SUPT3H: variants seen among roughly 807,000 people sequenced by gnomAD.
SUPT3H encodes SPT3 homolog, SAGA and STAGA complex component, also known as transcription initiation protein SPT3 homolog.
A neutral mutation model predicts 44.3 loss-of-function variants in SUPT3H; 44 were observed. That is an observed-to-expected ratio of 0.99 (90% confidence interval 0.78 to 1.28). The LOEUF is 1.28. Ranked by LOEUF, SUPT3H falls within the 50% of genes most tolerant of loss-of-function variation. The pLI is 0.00. For synonymous variants in SUPT3H, 124 were observed against 125.6 expected (o/e 0.99, Z 0.09); for missense variants, 380 against 387.1 (o/e 0.98, Z 0.15).
At chr6:44,972,575 C>T (rs745562342) in intron 6 of SUPT3H, among the ~76,000 whole-genome samples, 1 of 152,194 alleles carries the variant, frequency 6.6e-6, no homozygotes, top group African/African-American at 2.4e-5. Context: ...CTAGGCAGTG[C>T]CCCAGTAGGG....
intron 2 of SUPT3H, among the ~76,000 whole-genome samples, chr6:45,230,686 A>ATATATATATATATATTTTTT (rs796866510): frequency 1.0e-4 from 12 of 116,792 alleles, no homozygotes; most frequent in African/African-American, 3.1e-4. Context: ...ATATATATAT[A>ATATATATATATATATTTTTT]TTTTTGAGAT....
At chr6:45,282,088 A>G (rs894285689) in intron 2 of SUPT3H, among the ~76,000 whole-genome samples, 9 of 152,248 alleles carry the variant, frequency 5.9e-5, no homozygotes, top group Non-Finnish European at 4.4e-5. Context: ...GCCCATCTGT[A>G]CGTCACTATC....
intron 3 of SUPT3H, among the ~76,000 whole-genome samples, chr6:45,082,744 A>C (rs1431953757): frequency 1.3e-5 from 2 of 152,162 alleles, no homozygotes; most frequent in Non-Finnish European, 2.9e-5. Flanking sequence ...GACTACTTCT[A>C]CTCAACATAG....
chr6:45,040,206 T>C (rs1319470326), intron 3 of SUPT3H, among the ~76,000 whole-genome samples: 1 of 152,232 alleles, frequency 6.6e-6, no homozygotes, highest in Non-Finnish European at 1.5e-5. Context: ...AGCATGGCTG[T>C]GTTCTGACAA....
chr6:45,369,798 T>C (rs1296282282), intron 1 of SUPT3H, among the ~76,000 whole-genome samples: 1 of 152,052 alleles, frequency 6.6e-6, no homozygotes, highest in Non-Finnish European at 1.5e-5. Flanking sequence ...ACAAATATAA[T>C]TTGAGGAAAT....
chr6:44,925,355 G>A (rs1393966080), intron 10 of SUPT3H, among the ~76,000 whole-genome samples: 1 of 152,044 alleles, frequency 6.6e-6, no homozygotes, highest in Admixed American at 6.6e-5. Context: ...ATGCACTTAA[G>A]GTATTATTCA....
At chr6:45,061,993 CTA>C (rs1792167071) in intron 3 of SUPT3H, among the ~76,000 whole-genome samples, 1 of 146,628 alleles carries the variant, frequency 6.8e-6, no homozygotes, top group Non-Finnish European at 1.5e-5. Context: ...AAAACACACA[CTA>C]TTAAAATTAG....
chr6:44,832,249 G>A (rs1768938900), intron 10 of SUPT3H, among the ~76,000 whole-genome samples: 2 of 152,128 alleles, frequency 1.3e-5, no homozygotes, highest in East Asian at 1.9e-4. Context: ...CTCTATTTGT[G>A]TTGCAAATGT....
chr6:45,174,437 T>C lies in SUPT3H; in HGVS notation c.102-68431A>G, dbSNP rs190945813. 4.7e-4 allele frequency among the ~76,000 whole-genome samples: 71 copies of C among 152,326 alleles called. 1 individual carries two copies. The Middle Eastern group carries it at 0.01, about 22-fold the overall frequency. ...TATATTATTATAAAAGATTCTGACC[T>C]CTTTCTTTCAAATCTATAATCTATG... On this transcript the variant is annotated intron_variant, in intron 2 of 10. Transcript: ENST00000371459.
At position 45,047,295 on chromosome 6, in the gene SUPT3H, C is replaced by G. The variant is rs144523097; in HGVS notation, c.187-26663G>C. Among the ~76,000 whole-genome samples, 684 of 152,222 alleles carry G rather than the reference C, an allele frequency of 4.5e-3. 6 individuals are homozygous for G. Among genetic ancestry groups the G allele is most frequent in the Middle Eastern group, 0.014 (4 of 294 alleles). ...CTTGTTCTCATTCTTAAGGTGAAGGCATTCAGTCTTGAGCTTTACTAAGTA... is the reference window on the plus strand; with the variant it reads ...CTTGTTCTCATTCTTAAGGTGAAGGGATTCAGTCTTGAGCTTTACTAAGTA... On this transcript the variant is annotated intron_variant, in intron 3 of 10. Transcript: ENST00000371459.
chr6:45,116,187 C>T (rs974249551), intron 2 of SUPT3H, among the ~76,000 whole-genome samples: 1 of 152,024 alleles, frequency 6.6e-6, no homozygotes, highest in African/African-American at 2.4e-5. Flanking sequence ...AGGAAGTTTG[C>T]CCTCACAAAC....
intron 2 of SUPT3H, among the ~76,000 whole-genome samples, chr6:45,136,112 G>A (rs1270009685): frequency 1.1e-4 from 16 of 152,108 alleles, no homozygotes; most frequent in Non-Finnish European, 4.4e-5. Flanking sequence ...TACCCTCCAT[G>A]ATCAAACACA....
At chr6:45,156,875 T>C (rs1807912486) in intron 2 of SUPT3H, among the ~76,000 whole-genome samples, 2 of 152,032 alleles carry the variant, frequency 1.3e-5, no homozygotes, top group South Asian at 4.1e-4. Context: ...AATTCCATGA[T>C]TTAGTACCAT....
At chr6:45,317,624 AACTGGTTAGCT>A (rs1434418123) in intron 2 of SUPT3H, among the ~76,000 whole-genome samples, 1 of 152,164 alleles carries the variant, frequency 6.6e-6, no homozygotes, top group Non-Finnish European at 1.5e-5. Context: ...GTGCTGGGGA[AACTGGTTAGCT>A]ACATGCAGAA....
At chr6:44,903,674 C>A (rs1765494616) in intron 10 of SUPT3H, among the ~76,000 whole-genome samples, 1 of 152,202 alleles carries the variant, frequency 6.6e-6, no homozygotes, top group Non-Finnish European at 1.5e-5. Flanking sequence ...CTCCCTAACT[C>A]ATTTTATGAG....
chr6:45,324,249 A>T (rs963457035), intron 2 of SUPT3H, among the ~76,000 whole-genome samples: 1 of 152,048 alleles, frequency 6.6e-6, no homozygotes, highest in African/African-American at 2.4e-5. Context: ...AAAAAAAAGT[A>T]ATCCTCATAA....
chr6:45,326,695 A>G (rs890056978), intron 2 of SUPT3H, among the ~76,000 whole-genome samples: 2 of 152,004 alleles, frequency 1.3e-5, no homozygotes, highest in African/African-American at 4.8e-5. Context: ...TTCTGTAAAG[A>G]AACTTATGAA....
intron 10 of SUPT3H, among the ~76,000 whole-genome samples, chr6:44,836,610 G>A (rs1769951889): frequency 6.6e-6 from 1 of 151,900 alleles, no homozygotes; most frequent in Admixed American, 6.6e-5. Context: ...ATAAATTCTT[G>A]AGTTATTACC....
intron 9 of SUPT3H, among the ~76,000 whole-genome samples, chr6:44,947,097 G>A (rs1773471371): frequency 1.3e-5 from 2 of 152,100 alleles, no homozygotes; most frequent in Non-Finnish European, 2.9e-5. Context: ...AAAAAATAAA[G>A]TATTTTAAAA....
Sources: gnomAD v4.1 joint callset for allele counts (sites outside exome capture counted in the v4.1 genomes callset) on GRCh38, gnomAD v4.1.1 for gene constraint, MANE v1.5 for transcripts, NCBI Gene and HGNC (gene_info 2026-07-23, HGNC 2026-07-21) for gene names.